The following CWC27 variants were observed in gnomAD, a reference collection of about 807,000 sequenced individuals.
CWC27 encodes the protein spliceosome-associated protein CWC27 homolog.
A neutral mutation model predicts 63.6 loss-of-function variants in CWC27; 47 were observed. The ratio of observed to expected loss-of-function variants is 0.74; its 90% CI spans 0.58 to 0.94. CWC27 has a LOEUF of 0.94. Among genes scored for constraint, CWC27 ranks in the 40% least tolerant of loss-of-function variants. The pLI is 0.00. For synonymous variants in CWC27, 175 were observed against 179.8 expected (o/e 0.97, Z 0.22); for missense variants, 495 against 554.3 (o/e 0.89, Z 1.07).
intron 13 of CWC27, among the ~76,000 whole-genome samples, chr5:64,979,558 T>G (rs1749293403): frequency 2.0e-5 from 3 of 152,230 alleles, no homozygotes; most frequent in African/African-American, 7.2e-5. Context: ...TAAAGTATAT[T>G]CTTCTCAGGA....
intron 10 of CWC27, among the ~76,000 whole-genome samples, chr5:64,809,485 A>C (rs978382680): frequency 3.3e-5 from 5 of 152,202 alleles, no homozygotes; most frequent in Admixed American, 3.3e-4. Context: ...CTCCTGCCTC[A>C]GACTCCTAAG....
At chr5:64,822,131 G>T (rs1256263144) in intron 10 of CWC27, among the ~76,000 whole-genome samples, 1 of 152,156 alleles carries the variant, frequency 6.6e-6, no homozygotes, top group African/African-American at 2.4e-5. Context: ...GTTTTTGGGA[G>T]ATCACCATTG....
At chr5:64,851,445 T>G (rs62369328) in intron 10 of CWC27, among the ~76,000 whole-genome samples, 61,057 of 151,604 alleles carry the variant, frequency 0.4, 13,590 homozygotes, top group African/African-American at 0.59. Flanking sequence ...CATACAGGAG[T>G]GATATGTTGT....
intron 10 of CWC27, among the ~76,000 whole-genome samples, chr5:64,845,701 G>A (rs1413990324): frequency 6.6e-6 from 1 of 152,136 alleles, no homozygotes; most frequent in Non-Finnish European, 1.5e-5. Flanking sequence ...AAAGACAAAA[G>A]AGTGAAAAAG....
chr5:64,828,287 T>C (rs1310852234), intron 10 of CWC27, among the ~76,000 whole-genome samples: 1 of 152,154 alleles, frequency 6.6e-6, no homozygotes, highest in East Asian at 1.9e-4. Context: ...CACTTAATCT[T>C]CCTATGCCAA....
intron 10 of CWC27, among the ~76,000 whole-genome samples, chr5:64,869,021 G>A (rs1401151117): frequency 6.6e-6 from 1 of 152,016 alleles, no homozygotes; most frequent in African/African-American, 2.4e-5. Context: ...ACTTGGAACA[G>A]GACTTGGAAC....
chr5:64,988,649 G>A (rs573989505), intron 13 of CWC27, among the ~76,000 whole-genome samples: 1 of 150,574 alleles, frequency 6.6e-6, no homozygotes, highest in South Asian at 2.1e-4. Flanking sequence ...TGTTGCCCAG[G>A]CTGTAGTGCA....
At chr5:64,862,299 C>A (rs975074480) in intron 10 of CWC27, among the ~76,000 whole-genome samples, 11 of 151,974 alleles carry the variant, frequency 7.2e-5, no homozygotes, top group Non-Finnish European at 1.6e-4. Context: ...ATGGCCAGCG[C>A]AAATAATCTT....
At chr5:64,836,384 T>C (rs543870042) in intron 10 of CWC27, among the ~76,000 whole-genome samples, 2 of 152,118 alleles carry the variant, frequency 1.3e-5, no homozygotes, top group Admixed American at 6.6e-5. Context: ...TTATGTGGTA[T>C]GTTCTATTTT....
intron 13 of CWC27, among the ~76,000 whole-genome samples, chr5:64,981,516 T>G (rs1285687107): frequency 6.6e-6 from 1 of 152,340 alleles, no homozygotes; most frequent in East Asian, 1.9e-4. Context: ...TGTAACATCC[T>G]TGTTTCTATG....
At chr5:64,809,917 T>A (rs958524281) in intron 10 of CWC27, among the ~76,000 whole-genome samples, 7 of 152,212 alleles carry the variant, frequency 4.6e-5, no homozygotes, top group African/African-American at 1.7e-4. Context: ...TACTTGTCTA[T>A]TTTTACTTTT....
intron 13 of CWC27, among the ~76,000 whole-genome samples, chr5:64,978,628 G>A (rs1424906266): frequency 4.0e-5 from 6 of 149,590 alleles, no homozygotes; most frequent in East Asian, 2.0e-4. Context: ...TTTTGGCGGT[G>A]GGGGGGATTC....
chr5:64,935,721 C>A (rs1189681512), intron 11 of CWC27, among the ~76,000 whole-genome samples: 1 of 152,180 alleles, frequency 6.6e-6, no homozygotes, highest in Non-Finnish European at 1.5e-5. Flanking sequence ...GATACTGATT[C>A]TTCCTATCCA....
intron 1 of CWC27, among the ~76,000 whole-genome samples, chr5:64,772,624 CAAAAAAAAAAAAAAAAAA>C (rs58675990): frequency 3.8e-5 from 2 of 52,144 alleles, no homozygotes; most frequent in Admixed American, 2.5e-4. Context: ...GACTCTGTCT[CAAAAAAAAAAAAAAAAAA>C]AAAAAAAAAA....
chr5:65,018,542 A>G lies in CWC27; in HGVS notation c.*221A>G, dbSNP rs1750091495. Reference sequence around the variant, plus strand: ...TGTTTTTTCCTAGCTGACCTTTTATATTGCTAAATCTGAAATAAAATAACT... The same window carrying G: ...TGTTTTTTCCTAGCTGACCTTTTATGTTGCTAAATCTGAAATAAAATAACT... On this transcript the variant is annotated 3_prime_UTR_variant, in exon 14 of 14. Transcript: ENST00000381070. The G allele has an allele frequency of 1.1e-5, 4 of 365,446 alleles. No homozygotes were observed. The highest frequency in any genetic ancestry group is 6.5e-5 in the South Asian group (1 of 15,334). 22.6% of individuals were successfully genotyped at this position (365,446 alleles called of 1,614,324 possible).
chr5:64,878,588 A>G (rs1326343170), intron 10 of CWC27, among the ~76,000 whole-genome samples: 1 of 151,240 alleles, frequency 6.6e-6, no homozygotes, highest in African/African-American at 2.4e-5. Context: ...CACAATGTAT[A>G]GATGAGAAAA....
chr5:64,883,061 C>G (rs954678713), intron 10 of CWC27, among the ~76,000 whole-genome samples: 9 of 152,174 alleles, frequency 5.9e-5, no homozygotes, highest in African/African-American at 2.2e-4. Flanking sequence ...AGGAAACTTA[C>G]AATCATGGTG....
At chr5:64,869,211 G>A (rs911609677) in intron 10 of CWC27, among the ~76,000 whole-genome samples, 2 of 152,058 alleles carry the variant, frequency 1.3e-5, no homozygotes, top group Non-Finnish European at 2.9e-5. Flanking sequence ...AGAGGTATAT[G>A]TAGGCCAGCT....
At chr5:64,804,540 T>G in intron 10 of CWC27, 154 bp downstream of exon 10, 1 of 632,450 alleles carries the variant, frequency 1.6e-6, no homozygotes, top group East Asian at 2.9e-5. Context: ...TTAGCAGGCC[T>G]AAAATAAAAT....
Sources: allele counts gnomAD v4.1 joint callset (sites outside exome capture counted in the v4.1 genomes callset), GRCh38; gene constraint gnomAD v4.1.1; transcripts MANE v1.5; gene names NCBI Gene and HGNC (gene_info 2026-07-23, HGNC 2026-07-21).